Variants in ADARB2 observed in about 807,000 individuals in gnomAD.
ADARB2 encodes inactive double-stranded RNA-specific editase B2.
ADARB2 carries 25 observed loss-of-function variants against 62.2 expected under a neutral mutation model. The observed-to-expected ratio is 0.40, with a 90% CI of 0.29 to 0.56. The LOEUF (loss-of-function observed/expected upper bound fraction) is 0.56. ADARB2 is among the 20% of genes least tolerant of loss of function. The pLI is 0.43. For missense variants in ADARB2, 1,071 were observed against 1,077.4 expected, an observed-to-expected ratio of 0.99 and a Z score of 0.08; for synonymous variants, 572 against 500.8, an observed-to-expected ratio of 1.14 and a Z score of -1.90.
intron 8 of ADARB2, 185 bp downstream of exon 8, chr10:1,199,781 A>G (rs1415668299): frequency 3.4e-5 from 21 of 609,946 alleles, no homozygotes; most frequent in Non-Finnish European, 3.0e-5. Context: ...GCCTATTGCT[A>G]TATGCAGAGA....
intron 1 of ADARB2, among the ~76,000 whole-genome samples, chr10:1,732,921 C>T (rs911563441): frequency 5.3e-5 from 8 of 152,246 alleles, no homozygotes; most frequent in African/African-American, 1.9e-4. Context: ...GCAACCTGCC[C>T]GTTCTCCACA....
intron 3 of ADARB2, among the ~76,000 whole-genome samples, chr10:1,298,710 T>A (rs1831545602): frequency 7.5e-6 from 1 of 133,584 alleles, no homozygotes; most frequent in East Asian, 2.2e-4. Context: ...CTATCCCATG[T>A]GCGACGGGAA....
chr10:1,432,526 A>C (rs994960691), intron 1 of ADARB2, among the ~76,000 whole-genome samples: 7 of 150,046 alleles, frequency 4.7e-5, no homozygotes, highest in African/African-American at 1.7e-4. Context: ...ATATTTTTTC[A>C]TGAGGGTATT....
At chr10:1,711,715 A>G (rs1476217236) in intron 1 of ADARB2, among the ~76,000 whole-genome samples, 1 of 152,190 alleles carries the variant, frequency 6.6e-6, no homozygotes, top group Non-Finnish European at 1.5e-5. Flanking sequence ...TCTCGAGGCT[A>G]AAGATTTATT....
At chr10:1,375,006 G>T (rs1338206301) in intron 2 of ADARB2, among the ~76,000 whole-genome samples, 3 of 152,114 alleles carry the variant, frequency 2.0e-5, no homozygotes, top group African/African-American at 4.8e-5. Flanking sequence ...GGCATTTGTG[G>T]AGTGGACACT....
rs571294751 is a variant in ADARB2, at chr10:1,552,191, G to C, written c.101-173031C>G. On this transcript the variant is annotated intron_variant, in intron 1 of 9. Coordinates refer to ENST00000381312, the MANE Select transcript of ADARB2 (RefSeq NM_018702.4). Reference sequence around the variant, plus strand: ...TCTGCAGCCCCCAGGATGCCCATGGGGGGAGCTGGCCTGGGGCCAGGAGCC... The same window carrying C: ...TCTGCAGCCCCCAGGATGCCCATGGCGGGAGCTGGCCTGGGGCCAGGAGCC... 5.1e-3 allele frequency among the ~76,000 whole-genome samples: 775 copies of C among 152,378 alleles called. 2 individuals carry two copies. Among genetic ancestry groups the C allele is most frequent in the Non-Finnish European group, 9.2e-3 (624 of 68,032 alleles).
At chr10:1,237,797 T>C (rs1364107204) in intron 5 of ADARB2, among the ~76,000 whole-genome samples, 1 of 10,536 alleles carries the variant, frequency 9.5e-5, no homozygotes, top group Non-Finnish European at 1.8e-4. Context: ...TCCCGGTGTT[T>C]ACTCCCCCCT....
chr10:1,376,976 G>A (rs962682296), intron 2 of ADARB2, among the ~76,000 whole-genome samples: 1 of 143,288 alleles, frequency 7.0e-6, no homozygotes, highest in Non-Finnish European at 1.5e-5. Context: ...GCACCCCTGG[G>A]GTGTGTGTGT....
chr10:1,567,189 G>A (rs933389943), intron 1 of ADARB2, among the ~76,000 whole-genome samples: 6 of 152,064 alleles, frequency 3.9e-5, no homozygotes, highest in African/African-American at 1.4e-4. Context: ...TCCCCCCACC[G>A]AGAAGCAGAC....
intron 1 of ADARB2, among the ~76,000 whole-genome samples, chr10:1,530,456 C>A (rs562299375): frequency 6.6e-6 from 1 of 152,206 alleles, no homozygotes; most frequent in African/African-American, 2.4e-5. Flanking sequence ...CTCGTGAGTG[C>A]GTCTCACTGA....
intron 8 of ADARB2, chr10:1,186,617 G>C: frequency 2.0e-6 from 1 of 512,634 alleles, no homozygotes; most frequent in Non-Finnish European, 3.9e-6. Flanking sequence ...GTCCTGTGGT[G>C]CTTGGAGGCG....
chr10:1,433,883 CG>C (rs1668313963), intron 1 of ADARB2, among the ~76,000 whole-genome samples: 1 of 152,076 alleles, frequency 6.6e-6, no homozygotes, highest in Admixed American at 6.5e-5. Context: ...TCAAAGTTTC[CG>C]CTAAGATACA....
At chr10:1,631,053 GA>G (rs1833836594) in intron 1 of ADARB2, among the ~76,000 whole-genome samples, 1 of 152,122 alleles carries the variant, frequency 6.6e-6, no homozygotes, top group African/African-American at 2.4e-5. Context: ...TTTCTCAGTA[GA>G]GCCACCACCC....
intron 1 of ADARB2, among the ~76,000 whole-genome samples, chr10:1,726,472 G>A (rs550784805): frequency 3.9e-5 from 6 of 152,122 alleles, no homozygotes; most frequent in African/African-American, 1.2e-4. Flanking sequence ...TTGAGTGGAC[G>A]TGGTGCTGCC....
chr10:1,540,065 T>C (rs1381567305), intron 1 of ADARB2, among the ~76,000 whole-genome samples: 1 of 152,170 alleles, frequency 6.6e-6, no homozygotes, highest in Non-Finnish European at 1.5e-5. Context: ...AAGAGACAGT[T>C]TGGATTTTAT....
intron 1 of ADARB2, among the ~76,000 whole-genome samples, chr10:1,547,701 C>T (rs80036234): frequency 6.5e-5 from 4 of 61,698 alleles, no homozygotes; most frequent in African/African-American, 1.2e-4. Flanking sequence ...GCTGCACTGG[C>T]GTATGCACTG....
intron 4 of ADARB2, among the ~76,000 whole-genome samples, chr10:1,260,271 T>C (rs1831123420): frequency 6.6e-6 from 1 of 152,176 alleles, no homozygotes; most frequent in Admixed American, 6.5e-5. Flanking sequence ...TCACCACTCC[T>C]ATTCAACATA....
chr10:1,466,164 C>T (rs185936372), intron 1 of ADARB2, among the ~76,000 whole-genome samples: 316 of 152,378 alleles, frequency 2.1e-3, no homozygotes, highest in African/African-American at 7.4e-3. Context: ...TACACCAAAG[C>T]TCCCTGCAGA....
At chr10:1,377,850 T>C (rs1259929008) in intron 2 of ADARB2, among the ~76,000 whole-genome samples, 1 of 152,182 alleles carries the variant, frequency 6.6e-6, no homozygotes, top group East Asian at 1.9e-4. Context: ...ATGCTACTTT[T>C]GCAGAACAAC....
Sources: allele counts gnomAD v4.1 joint callset (sites outside exome capture counted in the v4.1 genomes callset), GRCh38; gene constraint gnomAD v4.1.1; transcripts MANE v1.5; gene names NCBI Gene and HGNC (gene_info 2026-07-23, HGNC 2026-07-21).